The following PARK7 variants were observed in gnomAD, a reference collection of about 807,000 sequenced individuals.
PARK7 encodes the protein Parkinson disease protein 7.
A neutral mutation model predicts 20.5 loss-of-function variants in PARK7; 14 were observed. That is an observed-to-expected ratio of 0.68 (90% CI 0.45 to 1.07). The LOEUF (loss-of-function observed/expected upper bound fraction) is 1.07, where lower values mean the gene tolerates loss of function less well. PARK7 is among the 50% of genes least tolerant of loss of function. PARK7 has a pLI of 0.00. For missense variants in PARK7, 234 were observed against 238.1 expected, an observed-to-expected ratio of 0.98 and a Z score of 0.11; for synonymous variants, 98 against 84.3, an observed-to-expected ratio of 1.16 and a Z score of -0.89.
chr1:7,965,524 T>C (rs1390188674), intron 3 of PARK7, 99 bp downstream of exon 3: 3 of 1,111,756 alleles, frequency 2.7e-6, no homozygotes, highest in Admixed American at 3.7e-5. Context: ...TAGAAAATTA[T>C]TTTGCTTGAA....
intron 3 of PARK7, among the ~76,000 whole-genome samples, chr1:7,966,810 G>A (rs562285760): frequency 5.6e-4 from 85 of 152,152 alleles, no homozygotes; most frequent in African/African-American, 1.9e-3. Flanking sequence ...ATTTTCAATC[G>A]ACAGATAATA....
Position 7,982,153 on chromosome 1 carries a change from T to A in PARK7, c.410-2741T>A, listed in dbSNP as rs1640726014. 2.0e-5 allele frequency among the ~76,000 whole-genome samples: 3 copies of A among 150,176 alleles called. No individual in the cohort carries two copies. The South Asian group carries it at 6.3e-4, about 31-fold the overall frequency. On this transcript the variant is annotated intron_variant, in intron 6 of 6. Coordinates refer to ENST00000338639, the MANE Select transcript of PARK7 (RefSeq NM_007262.5). ...CCAGGCCCAGCTAATTTTTGTATTT[T>A]TTTTTTTTTTTTTAGTAGAGGCGGG... is the stretch of plus-strand genomic sequence containing the variant.
chr1:7,963,574 C>A (rs161815), intron 2 of PARK7, among the ~76,000 whole-genome samples: 1 of 151,218 alleles, frequency 6.6e-6, no homozygotes, highest in African/African-American at 2.4e-5. Flanking sequence ...GGGGTTTCAC[C>A]ATGTTGGCCA....
intron 3 of PARK7, among the ~76,000 whole-genome samples, chr1:7,967,948 T>TA (rs1351377642): frequency 6.6e-6 from 1 of 151,964 alleles, no homozygotes; most frequent in East Asian, 1.9e-4. Flanking sequence ...TTGCACTAAA[T>TA]ACATAATACA....
In PARK7 at chr1:7,985,236, C is replaced by T. The variant is rs1640796210; in HGVS notation, c.*182C>T. ...TCTCAGCCTACAAATTGTGTCTATA[C>T]ATTTCTAAGCCTTGTTTGCAGAATA... On this transcript the variant is annotated 3_prime_UTR_variant, in exon 7 of 7. Coordinates refer to ENST00000338639, the MANE Select transcript of PARK7 (RefSeq NM_007262.5). The T allele has an allele frequency of 1.3e-6, 1 of 776,398 alleles. No individual in the cohort carries two copies. Among genetic ancestry groups the T allele is most frequent in the Middle Eastern group, 3.7e-4 (1 of 2,688 alleles). The allele number at this position is 776,398 out of a possible 1,614,324, so 48.1% of individuals were successfully genotyped here.
chr1:7,967,051 C>G (rs1179552422), intron 3 of PARK7, among the ~76,000 whole-genome samples: 1 of 152,198 alleles, frequency 6.6e-6, no homozygotes, highest in Admixed American at 6.5e-5. Context: ...TTTAACAAAT[C>G]TCTCCCTATC....
rs377291049 is a variant in PARK7 at position 7,963,993 on chromosome 1, T to G, written c.90+1118T>G. ...ACCATGCCTGGCTAATTTTTTGTAT[T>G]TTTAGTAGATGGGGTTTCACCATCT... On this transcript the variant is annotated intron_variant, in intron 2 of 6. Coordinates refer to ENST00000338639, the MANE Select transcript of PARK7 (RefSeq NM_007262.5). Among the ~76,000 whole-genome samples the G allele has an allele frequency of 4.6e-5, 7 of 151,916 alleles. No individual in the cohort carries two copies. The East Asian group carries it at 1.4e-3, about 29-fold the overall frequency.
chr1:7,963,673 C>T (rs1488462654), intron 2 of PARK7, among the ~76,000 whole-genome samples: 1 of 152,094 alleles, frequency 6.6e-6, no homozygotes. Flanking sequence ...CCATGCCCGG[C>T]CCCTCAGACT....
In PARK7 at chr1:7,985,145, T is replaced by C. The variant is rs1038722794; in HGVS notation, c.*91T>C. 2.9e-5 allele frequency: 45 copies of C among 1,528,950 alleles called. No individual in the cohort carries two copies. The highest frequency in any genetic ancestry group is 3.7e-5 in the Non-Finnish European group (42 of 1,131,586). 94.7% of individuals were successfully genotyped at this position (1,528,950 alleles called of 1,614,324 possible). On this transcript the variant is annotated 3_prime_UTR_variant, in exon 7 of 7. Transcript: ENST00000338639. Reference sequence around the variant, plus strand: ...TCTAAACAAAACAGTGGTAGGTTAATGTGTTCAGAAGTCGCTGTCCTTACT... The same window carrying C: ...TCTAAACAAAACAGTGGTAGGTTAACGTGTTCAGAAGTCGCTGTCCTTACT...
At chr1:7,969,944 T>C (rs1408521219) in intron 4 of PARK7, among the ~76,000 whole-genome samples, 1 of 152,040 alleles carries the variant, frequency 6.6e-6, no homozygotes, top group Non-Finnish European at 1.5e-5. Context: ...ATAATCCCAG[T>C]GGTTTGGGAG....
Position 7,962,839 on chromosome 1 carries a change from G to T in PARK7, c.54G>T (p.Glu18Asp), listed in dbSNP as rs752342660. 6.2e-7 allele frequency: 1 copy of T among 1,612,576 alleles called. No individual in the cohort carries two copies. The highest frequency in any genetic ancestry group is 2.2e-5 in the East Asian group (1 of 44,842). ...VILAKGAEEM[E>D]TVIPVDVMRR... ...TGGCTAAAGGAGCAGAGGAAATGGA[G>T]ACGGTCATCCCTGTAGATGTCATGA... is the stretch of plus-strand genomic sequence containing the variant. Residue 18 changes from glutamate to aspartate, a missense_variant, in exon 2 of 7, where the codon GAG (glutamate) becomes GAT (aspartate). Glu to Asp is a conservative substitution (Grantham distance 45). Transcript: ENST00000338639.
intron 1 of PARK7, chr1:7,962,240 C>G (rs1025489750): frequency 6.5e-6 from 1 of 153,738 alleles, no homozygotes; most frequent in African/African-American, 2.4e-5. Flanking sequence ...AAAAAGTGTT[C>G]AGACATTTAA....
chr1:7,981,957 C>G (rs372184087), intron 6 of PARK7, among the ~76,000 whole-genome samples: 2 of 148,836 alleles, frequency 1.3e-5, no homozygotes, highest in East Asian at 2.0e-4. Flanking sequence ...TATGCCCAGC[C>G]CCCCCGCCTT....
chr1:7,968,937 A>G (rs1202085963), intron 3 of PARK7: 1 of 165,654 alleles, frequency 6.0e-6, no homozygotes, highest in Non-Finnish European at 1.3e-5. Context: ...CCTCTGCCCC[A>G]TCCCACACTA....
intron 1 of PARK7, 98 bp from the exon 2 acceptor site, chr1:7,962,665 C>T (rs1640232693): frequency 1.4e-6 from 1 of 736,008 alleles, no homozygotes; most frequent in Non-Finnish European, 2.3e-6. Context: ...CTAGGAAGTA[C>T]TTACTCTGCT....
At chr1:7,977,794 C>G in intron 6 of PARK7, 56 bp downstream of exon 6, 1 of 1,491,754 alleles carries the variant, frequency 6.7e-7, no homozygotes, top group Non-Finnish European at 9.3e-7. Flanking sequence ...GAGTCTCGCT[C>G]CATCGCCCAG....
intron 5 of PARK7, among the ~76,000 whole-genome samples, chr1:7,974,325 C>T (rs1640528073): frequency 6.6e-6 from 1 of 150,712 alleles, no homozygotes; most frequent in Non-Finnish European, 1.5e-5. Context: ...GACTTGGTCT[C>T]TTAAAAAAAA....
At chr1:7,968,470 T>G (rs2151430467) in intron 3 of PARK7, among the ~76,000 whole-genome samples, 1 of 152,204 alleles carries the variant, frequency 6.6e-6, no homozygotes. Flanking sequence ...TTTCATAAAG[T>G]TAAGAAAAAT....
intron 4 of PARK7, among the ~76,000 whole-genome samples, chr1:7,970,393 A>C (rs747954789): frequency 1.3e-5 from 2 of 152,214 alleles, no homozygotes; most frequent in Non-Finnish European, 2.9e-5. Context: ...TAGGGCTGCC[A>C]GCAGGAATGG....
Sources: allele counts gnomAD v4.1 joint callset (sites outside exome capture counted in the v4.1 genomes callset), GRCh38; gene constraint gnomAD v4.1.1; transcripts MANE v1.5; gene names NCBI Gene and HGNC (gene_info 2026-07-23, HGNC 2026-07-21).